Variants in GSR observed in about 807,000 individuals in gnomAD.
GSR encodes glutathione reductase, mitochondrial.
In GSR, 48 loss-of-function variants were observed where a neutral mutation model predicts 56.5. That is an observed-to-expected ratio of 0.85 (90% CI 0.67 to 1.08). The LOEUF (loss-of-function observed/expected upper bound fraction) is 1.08, where lower values mean the gene tolerates loss of function less well. Ranked by LOEUF, GSR falls within the 50% of genes least tolerant of loss-of-function variation. The pLI, the probability that GSR is intolerant of heterozygous loss-of-function variation, is 0.00. For missense variants in GSR, 694 were observed against 703.3 expected (o/e 0.99, Z 0.15); for synonymous variants, 264 against 270.8 (o/e 0.97, Z 0.25).
intron 9 of GSR, among the ~76,000 whole-genome samples, chr8:30,684,839 T>C (rs185536014): frequency 8.5e-4 from 130 of 152,206 alleles, no homozygotes; most frequent in African/African-American, 2.9e-3. Context: ...AATCTTGACC[T>C]CCTGGGCTTA....
chr8:30,680,833 C>T, intron 12 of GSR, 71 bp downstream of exon 12: 1 of 1,412,240 alleles, frequency 7.1e-7, no homozygotes, highest in South Asian at 1.1e-5. Context: ...CCCTCCTTTC[C>T]ACCCCTGCAA....
intron 1 of GSR, chr8:30,727,043 G>C (rs1804749223): frequency 6.5e-6 from 1 of 153,194 alleles, no homozygotes; most frequent in Non-Finnish European, 1.5e-5. Flanking sequence ...CAGGTGATTC[G>C]AATGTGTAGC....
chr8:30,698,990 T>C (rs1464904684), intron 6 of GSR, among the ~76,000 whole-genome samples: 1 of 152,184 alleles, frequency 6.6e-6, no homozygotes, highest in Admixed American at 6.6e-5. Context: ...TTTGCCCCTC[T>C]ATGAATCTAA....
intron 9 of GSR, among the ~76,000 whole-genome samples, chr8:30,685,961 G>A (rs1487733325): frequency 3.3e-5 from 4 of 121,910 alleles, no homozygotes; most frequent in Non-Finnish European, 6.5e-5. Flanking sequence ...ACTCCAGCCT[G>A]GGCAACAGAA....
At chr8:30,721,324 T>G (rs1208570611) in intron 1 of GSR, among the ~76,000 whole-genome samples, 1 of 152,054 alleles carries the variant, frequency 6.6e-6, no homozygotes, top group Non-Finnish European at 1.5e-5. Context: ...GAATAGAAGG[T>G]AATGAATTCT....
In GSR at chr8:30,684,218, A is replaced by G; in HGVS notation, c.1042-19T>C. On this transcript the variant is annotated intron_variant, in intron 9 of 12. Coordinates refer to ENST00000221130, the MANE Select transcript of GSR (RefSeq NM_000637.5). ...GAATCCCCTAAAATTACAAAGAGAT[A>G]TCATGTAACCACTTGGCCCACCTAC... is the stretch of plus-strand genomic sequence containing the variant. 7.2e-7 allele frequency: 1 copy of G among 1,384,208 alleles called. No individual in the cohort carries two copies. Among genetic ancestry groups the G allele is most frequent in the African/African-American group, 1.4e-5 (1 of 70,616 alleles). 85.7% of individuals were successfully genotyped at this position (1,384,208 alleles called of 1,614,324 possible).
chr8:30,681,128 C>G, intron 11 of GSR, 91 bp from the exon 12 acceptor site: 1 of 1,025,506 alleles, frequency 9.8e-7, no homozygotes, highest in Non-Finnish European at 1.5e-6. Flanking sequence ...TACATAACCT[C>G]AATCAAACCA....
chr8:30,690,440 G>A (rs1803343342), intron 8 of GSR, among the ~76,000 whole-genome samples: 1 of 152,094 alleles, frequency 6.6e-6, no homozygotes, highest in Non-Finnish European at 1.5e-5. Flanking sequence ...GGGATTACAG[G>A]TGTGAGCCAC....
chr8:30,716,646 A>G (rs1804343364), intron 1 of GSR, among the ~76,000 whole-genome samples: 2 of 152,176 alleles, frequency 1.3e-5, no homozygotes, highest in African/African-American at 4.8e-5. Context: ...TGTCTCTAGA[A>G]AAAATACAAA....
intron 1 of GSR, chr8:30,727,080 C>G (rs1804751065): frequency 6.4e-6 from 1 of 157,250 alleles, no homozygotes; most frequent in Admixed American, 6.5e-5. Context: ...CGCTATAAAT[C>G]ATTCTGCCCT....
intron 6 of GSR, 28 bp from the exon 7 acceptor site, chr8:30,696,507 C>G (rs2738991): frequency 7.2e-7 from 1 of 1,389,740 alleles, no homozygotes; most frequent in South Asian, 1.2e-5. Context: ...GGTTAGTATT[C>G]TTAAATAAAC....
intron 1 of GSR, among the ~76,000 whole-genome samples, chr8:30,726,307 T>C (rs1391063077): frequency 6.6e-6 from 1 of 152,162 alleles, no homozygotes; most frequent in Non-Finnish European, 1.5e-5. Context: ...TCCCTGTCCT[T>C]AAAGAGCTCC....
intron 4 of GSR, chr8:30,704,727 T>C (rs1177019019): frequency 6.6e-6 from 1 of 152,222 alleles, no homozygotes; most frequent in Non-Finnish European, 1.5e-5. Flanking sequence ...TGAATTGAGT[T>C]ATCTTCTTCT....
chr8:30,683,200 G>A (rs999946410), intron 10 of GSR, among the ~76,000 whole-genome samples: 4 of 152,136 alleles, frequency 2.6e-5, no homozygotes, highest in South Asian at 2.1e-4. Flanking sequence ...AGACTCAAGC[G>A]ATCCCCCAAC....
intron 4 of GSR, among the ~76,000 whole-genome samples, chr8:30,706,508 TAAACAAAC>T (rs200701480): frequency 1.7e-4 from 26 of 149,576 alleles, no homozygotes; most frequent in African/African-American, 4.3e-4. Context: ...GTTTCACAAA[TAAACAAAC>T]AAACAAACAA....
At chr8:30,715,327 C>T (rs1464523194) in intron 1 of GSR, among the ~76,000 whole-genome samples, 1 of 151,860 alleles carries the variant, frequency 6.6e-6, no homozygotes, top group African/African-American at 2.4e-5. Context: ...GTATGGCTTT[C>T]TATCTAGAGT....
At position 30,701,606 on chromosome 8, in the gene GSR, G is replaced by A. The variant is rs149728642; in HGVS notation, c.641-1471C>T. 1.8e-4 allele frequency among the ~76,000 whole-genome samples: 27 copies of A among 150,158 alleles called. 1 individual carries two copies. The East Asian group carries it at 5.1e-3, about 29-fold the overall frequency. ...GGAGTTTGAGACTGGCCTGGACAAC[G>A]TGGCAAAACCCCACCTCCACTAAAA... On this transcript the variant is annotated intron_variant, in intron 5 of 12. Transcript: ENST00000221130.
At chr8:30,714,858 A>C (rs898779505) in intron 1 of GSR, among the ~76,000 whole-genome samples, 1 of 152,160 alleles carries the variant, frequency 6.6e-6, no homozygotes, top group African/African-American at 2.4e-5. Context: ...AAAACAGTTT[A>C]ATGATCACTC....
chr8:30,689,886 AT>A (rs1803307749), intron 8 of GSR, among the ~76,000 whole-genome samples: 1 of 142,654 alleles, frequency 7.0e-6, no homozygotes, highest in East Asian at 2.0e-4. Context: ...TGTATATTAT[AT>A]ATAAATTATA....
Sources: allele counts gnomAD v4.1 joint callset (sites outside exome capture counted in the v4.1 genomes callset), GRCh38; gene constraint gnomAD v4.1.1; transcripts MANE v1.5; gene names NCBI Gene and HGNC (gene_info 2026-07-23, HGNC 2026-07-21).